The following NDUFAF7 variants were observed in gnomAD, a reference collection of about 807,000 sequenced individuals.
NDUFAF7 encodes NADH:ubiquinone oxidoreductase complex assembly factor 7.
A neutral mutation model predicts 47.2 loss-of-function variants in NDUFAF7; 48 were observed. The ratio of observed to expected loss-of-function variants is 1.02; its 90% CI spans 0.81 to 1.29. NDUFAF7 has a LOEUF of 1.29. Ranked by LOEUF, NDUFAF7 falls within the 50% of genes most tolerant of loss-of-function variation. The pLI, the probability that NDUFAF7 is intolerant of heterozygous loss-of-function variation, is 0.00. For synonymous variants in NDUFAF7, 217 were observed against 190.0 expected (o/e 1.14, Z -1.17); for missense variants, 635 against 537.6 (o/e 1.18, Z -1.79).
Position 37,242,714 on chromosome 2 carries a change from T to G in NDUFAF7, c.681+21T>G. The G allele has an allele frequency of 1.9e-6, 3 of 1,550,394 alleles. No homozygotes were observed. The South Asian group carries it at 3.3e-5, about 17-fold the overall frequency. On this transcript the variant is annotated intron_variant, in intron 6 of 9. Coordinates refer to ENST00000002125, the MANE Select transcript of NDUFAF7 (RefSeq NM_144736.5). ...TTCAGGTATTGAGGGGGGAAAAAAG[T>G]CATGTCTATAATTGAATACAAAAGG...
chr2:37,231,943 G>C (rs1221770886), intron 1 of NDUFAF7, 163 bp from the exon 2 acceptor site: 1 of 1,597,750 alleles, frequency 6.3e-7, no homozygotes, highest in East Asian at 2.2e-5. Flanking sequence ...TGGGCAAGTG[G>C]GTGCTGTCTC....
chr2:37,250,583 T>A, downstream of NDUFAF7: 1 of 152,322 alleles, frequency 6.6e-6, no homozygotes, highest in Non-Finnish European at 1.5e-5. Context: ...ATAGCATTAG[T>A]TCCATTTACA....
chr2:37,258,203 C>T (rs116621426), downstream of NDUFAF7, among the ~76,000 whole-genome samples: 785 of 152,252 alleles, frequency 5.2e-3, 7 homozygotes, highest in African/African-American at 0.018. Context: ...GCCTAGAAAA[C>T]GAAGTGAAGT....
intron 4 of NDUFAF7, among the ~76,000 whole-genome samples, chr2:37,239,277 C>T (rs1338058668): frequency 6.6e-6 from 1 of 152,020 alleles, no homozygotes; most frequent in Non-Finnish European, 1.5e-5. Flanking sequence ...GATCACTACA[C>T]CCGGCTAATT....
chr2:37,232,402 G>A lies in NDUFAF7; in HGVS notation c.216+136G>A. 6 of 1,159,096 alleles carry A rather than the reference G, an allele frequency of 5.2e-6. No homozygotes were observed. The South Asian group carries it at 7.4e-5, about 14-fold the overall frequency. The allele number at this position is 1,159,096 out of a possible 1,614,324, so 71.8% of individuals were successfully genotyped here. ...GGGGAAGAGCCATTTCTGAGGACCT[G>A]GGGACAGATAATTTGTCAGTTGGTC... is the stretch of plus-strand genomic sequence containing the variant. On this transcript the variant is annotated intron_variant, in intron 2 of 9. Transcript: ENST00000002125.
rs201231332 is a variant in NDUFAF7, at chr2:37,232,245, G to C, written c.195G>C (p.Glu65Asp). ...GPITVAEYMK[E>D]VLTNPAKGYY... The stretch of plus-strand genomic sequence containing the variant: ...TCACTGTGGCCGAGTACATGAAGGA[G>C]GTGTTGACTAATCCAGCCAAGGTAT... Residue 65 changes from glutamate to aspartate, a missense_variant, in exon 2 of 10, where the codon GAG becomes GAC. By Grantham distance (45) the Glu-to-Asp change is conservative. Coordinates refer to ENST00000002125, the MANE Select transcript of NDUFAF7 (RefSeq NM_144736.5). 116 of 1,613,156 alleles carry C rather than the reference G, an allele frequency of 7.2e-5. No homozygotes were observed. Among genetic ancestry groups the C allele is most frequent in the Non-Finnish European group, 8.2e-5 (97 of 1,180,042 alleles).
chr2:37,239,345 T>C (rs1050788440), intron 4 of NDUFAF7, among the ~76,000 whole-genome samples: 2 of 152,152 alleles, frequency 1.3e-5, no homozygotes, highest in East Asian at 1.9e-4. Flanking sequence ...TCTTGAACTC[T>C]TGGCTTGAAG....
At chr2:37,246,935 A>G (rs1171473318) in intron 8 of NDUFAF7, among the ~76,000 whole-genome samples, 1 of 151,846 alleles carries the variant, frequency 6.6e-6, no homozygotes, top group Non-Finnish European at 1.5e-5. Flanking sequence ...CAGGTTTGTT[A>G]TTTGTTACAT....
At chr2:37,257,564 G>A (rs1668058030), downstream of NDUFAF7, among the ~76,000 whole-genome samples, 2 of 151,306 alleles carry the variant, frequency 1.3e-5, no homozygotes, top group African/African-American at 4.9e-5. Context: ...TACTTGGGAG[G>A]CTGAAGCAGG....
chr2:37,247,351 G>A lies in NDUFAF7; in HGVS notation c.937-105G>A, dbSNP rs551357464. On this transcript the variant is annotated intron_variant, in intron 8 of 9. Coordinates refer to ENST00000002125, the MANE Select transcript of NDUFAF7 (RefSeq NM_144736.5). ...AGAGAATTAATGAGAGCTCTATTCC[G>A]TCACCTCAAGCATTAATGTAAATAT... The A allele has an allele frequency of 2.7e-5, 37 of 1,353,492 alleles. No homozygotes were observed. The African/African-American group carries it at 4.5e-4, about 17-fold the overall frequency. 83.8% of individuals were successfully genotyped at this position (1,353,492 alleles called of 1,614,324 possible). A position where few individuals can be genotyped will look rare whatever the true frequency, so the allele number is the denominator to read the frequency against.
Position 37,232,152 on chromosome 2 carries a change from G to C in NDUFAF7, c.102G>C (p.Glu34Asp), listed in dbSNP as rs777053652. Residue 34 changes from glutamate to aspartate, a missense_variant, in exon 2 of 10, where the codon GAG (glutamate) becomes GAC (aspartate). Physicochemically the swap from Glu to Asp is conservative, Grantham distance 45. Coordinates refer to ENST00000002125, the MANE Select transcript of NDUFAF7 (RefSeq NM_144736.5). ...WRGKYFSSGN[E>D]PAENPVTPML... ...GGAAATACTTCAGCTCCGGGAATGA[G>C]CCTGCAGAAAACCCGGTGACGCCGA... The C allele has an allele frequency of 6.2e-7, 1 of 1,614,124 alleles. No homozygotes were observed. Among genetic ancestry groups the C allele is most frequent in the East Asian group, 2.2e-5 (1 of 44,900 alleles).
downstream of NDUFAF7, chr2:37,253,450 G>T: frequency 2.0e-6 from 2 of 979,640 alleles, no homozygotes; most frequent in Non-Finnish European, 2.9e-6. Flanking sequence ...TAGTGCCCTA[G>T]TCAAATAATT....
rs970991130 is a variant in NDUFAF7 at position 37,246,186 on chromosome 2, T to C, written c.927T>C (p.Asp309=). The C allele has an allele frequency of 8.7e-6, 14 of 1,613,796 alleles. No homozygotes were observed. Among genetic ancestry groups the C allele is most frequent in the Non-Finnish European group, 1.1e-5 (13 of 1,179,768 alleles). ...ADYGHDGTKT[D]TFRGFCDHKL... is the part of the protein sequence containing the mutation. ...ATGGTCATGATGGAACAAAGACAGA[T>C]ACCTTCAGAGTATGTATAATTCAGT... The change falls in exon 8 of 10, where the codon GAT becomes GAC. Residue 309 remains aspartate (D), a synonymous_variant. Transcript: ENST00000002125.
chr2:37,237,346 G>A (rs753389989), intron 3 of NDUFAF7, among the ~76,000 whole-genome samples: 7 of 152,242 alleles, frequency 4.6e-5, no homozygotes, highest in Non-Finnish European at 1.0e-4. Flanking sequence ...AGGAAATAGT[G>A]TATACGAGGA....
the NDUFAF7 span, chr2:37,268,168 A>G: frequency 2.7e-6 from 1 of 365,672 alleles, no homozygotes; most frequent in Non-Finnish European, 5.5e-6. Flanking sequence ...TGTTCTTCAA[A>G]TATGTATCTG....
At chr2:37,254,708 T>A (rs974465312), downstream of NDUFAF7, among the ~76,000 whole-genome samples, 1 of 152,180 alleles carries the variant, frequency 6.6e-6, no homozygotes, top group Non-Finnish European at 1.5e-5. Flanking sequence ...TATTTGAAGA[T>A]GAATGAAACA....
chr2:37,249,643 G>GACAGACACACAC (rs1261022368), downstream of NDUFAF7, among the ~76,000 whole-genome samples: 121 of 132,626 alleles, frequency 9.1e-4, 4 homozygotes, highest in African/African-American at 3.5e-3. Context: ...CTGTGATAGA[G>GACAGACACACAC]ACACACACAC....
At chr2:37,241,946 A>C in intron 5 of NDUFAF7, 155 bp downstream of exon 5, 2 of 641,842 alleles carry the variant, frequency 3.1e-6, no homozygotes, top group Non-Finnish European at 5.3e-6. Flanking sequence ...AGAAAAGAGC[A>C]TCTTAATAGA....
rs746354698 is a variant in NDUFAF7, at chr2:37,248,596, T to G, written c.*246T>G. 162 of 506,584 alleles carry G rather than the reference T, an allele frequency of 3.2e-4. 2 individuals carry two copies. The highest frequency in any genetic ancestry group is 2.2e-3 in the Middle Eastern group (4 of 1,788). 31.4% of individuals were successfully genotyped at this position (506,584 alleles called of 1,614,324 possible). A position where few individuals can be genotyped will look rare whatever the true frequency, so the allele number is the denominator to read the frequency against. ...GTTTCCTTTAACTTACAAAGCTAGT[T>G]GCCATATTTCTATTTTATTTTAAAA... On this transcript the variant is annotated 3_prime_UTR_variant, in exon 10 of 10. Coordinates refer to ENST00000002125, the MANE Select transcript of NDUFAF7 (RefSeq NM_144736.5).
Sources: allele counts gnomAD v4.1 joint callset (sites outside exome capture counted in the v4.1 genomes callset), GRCh38; gene constraint gnomAD v4.1.1; transcripts MANE v1.5; gene names NCBI Gene and HGNC (gene_info 2026-07-23, HGNC 2026-07-21).